PARD3B: variants seen among roughly 807,000 people sequenced by gnomAD.
PARD3B encodes par-3 family cell polarity regulator beta, also known as partitioning defective 3 homolog B.
PARD3B carries 103 observed loss-of-function variants against 130.2 expected under a neutral mutation model. The observed-to-expected ratio is 0.79, with a 90% CI of 0.67 to 0.93. The LOEUF (loss-of-function observed/expected upper bound fraction) is 0.93. Among genes scored for constraint, PARD3B ranks in the 40% least tolerant of loss-of-function variants. The pLI, the probability that PARD3B is intolerant of heterozygous loss-of-function variation, is 0.00. For synonymous variants in PARD3B, 583 were observed against 553.2 expected (o/e 1.05, Z -0.76); for missense variants, 1,609 against 1,499.2 (o/e 1.07, Z -1.21).
chr2:205,203,237 A>G (rs898034319), intron 15 of PARD3B, among the ~76,000 whole-genome samples: 6 of 152,164 alleles, frequency 3.9e-5, no homozygotes, highest in Non-Finnish European at 7.4e-5. Flanking sequence ...CTGTGCTCTG[A>G]TTAGAAATTT....
At chr2:205,185,506 A>G (rs1433404156) in intron 13 of PARD3B, among the ~76,000 whole-genome samples, 3 of 152,204 alleles carry the variant, frequency 2.0e-5, no homozygotes, top group African/African-American at 7.2e-5. Flanking sequence ...GGGAAAAGGT[A>G]GTCAAGATCT....
At chr2:204,972,085 A>ATT (rs2125179305) in intron 3 of PARD3B, among the ~76,000 whole-genome samples, 1 of 152,320 alleles carries the variant, frequency 6.6e-6, no homozygotes, top group East Asian at 1.9e-4. Context: ...TAGTTAAAGA[A>ATT]TAAAGTCAAT....
chr2:205,390,053 CTTA>C (rs2045797230), intron 18 of PARD3B, among the ~76,000 whole-genome samples: 1 of 151,570 alleles, frequency 6.6e-6, no homozygotes, highest in Non-Finnish European at 1.5e-5. Flanking sequence ...CTTAATATAG[CTTA>C]TTAAGAATTA....
In PARD3B at chr2:205,142,065, A is replaced by T. The variant is rs942948633; in HGVS notation, c.1434+16328A>T. Among the ~76,000 whole-genome samples, 8 of 152,168 alleles carry T rather than the reference A, an allele frequency of 5.3e-5. No homozygotes were observed. The highest frequency in any genetic ancestry group is 1.0e-4 in the Non-Finnish European group (7 of 68,042). ...TCTGTTGCCCTTAAAGTCCTTAAAG[A>T]TGTACATAATAATAAATAACCATGA... On this transcript the variant is annotated intron_variant, in intron 10 of 22. Transcript: ENST00000406610. The surrounding 1 kb of genome is among the most constrained non-coding windows in gnomAD (Gnocchi z 4.3).
At chr2:204,970,082 T>C (rs1010516705) in intron 3 of PARD3B, among the ~76,000 whole-genome samples, 1 of 152,128 alleles carries the variant, frequency 6.6e-6, no homozygotes, top group Non-Finnish European at 1.5e-5. Context: ...GACAAATTAG[T>C]GAGGAAAATT....
intron 2 of PARD3B, among the ~76,000 whole-genome samples, chr2:204,752,468 A>G (rs2040502201): frequency 6.6e-6 from 1 of 152,162 alleles, no homozygotes; most frequent in Non-Finnish European, 1.5e-5. Flanking sequence ...AATGAATAAA[A>G]AATGGTATCT....
intron 15 of PARD3B, among the ~76,000 whole-genome samples, chr2:205,209,622 GATATAA>G (rs1246754299): frequency 1.3e-5 from 2 of 151,158 alleles, no homozygotes; most frequent in African/African-American, 4.8e-5. Context: ...AAAAATATAT[GATATAA>G]ATATAGGTTA....
chr2:204,866,265 T>C (rs1228297179), intron 2 of PARD3B, among the ~76,000 whole-genome samples: 1 of 152,234 alleles, frequency 6.6e-6, no homozygotes, highest in Admixed American at 6.5e-5. Context: ...CCACCATTTA[T>C]TATCAATAAC....
intron 21 of PARD3B, among the ~76,000 whole-genome samples, chr2:205,527,026 G>C (rs1248879913): frequency 1.3e-5 from 2 of 152,178 alleles, no homozygotes; most frequent in East Asian, 1.9e-4. Flanking sequence ...AGTCAAATGA[G>C]AGGTTTGCAG....
At chr2:205,560,629 T>C (rs2053096785) in intron 22 of PARD3B, among the ~76,000 whole-genome samples, 1 of 152,166 alleles carries the variant, frequency 6.6e-6, no homozygotes, top group African/African-American at 2.4e-5. Context: ...AGAGAAAGAC[T>C]CCCTTTCCTG....
intron 2 of PARD3B, among the ~76,000 whole-genome samples, chr2:204,782,455 A>ATATGTAATATACACATTACATATAT (rs2041870762): frequency 1.3e-5 from 2 of 151,188 alleles, no homozygotes; most frequent in African/African-American, 4.8e-5. Context: ...TAAGTATTAT[A>ATATGTAATATACACATTACATATAT]TATGTAATAT....
chr2:204,715,894 G>A (rs2038697509), intron 2 of PARD3B, among the ~76,000 whole-genome samples: 1 of 151,910 alleles, frequency 6.6e-6, no homozygotes, highest in Non-Finnish European at 1.5e-5. Context: ...TTATCTCTCT[G>A]CTCCGTGAAA....
In PARD3B at chr2:204,553,693, T is replaced by C. The variant is rs867045627; in HGVS notation, c.120+7574T>C. Reference sequence around the variant, plus strand: ...ATATATATATATATATATATATATATATACACACATATATATAAAGGAATA... The same window carrying C: ...ATATATATATATATATATATATATACATACACACATATATATAAAGGAATA... On this transcript the variant is annotated intron_variant, in intron 1 of 22. Coordinates refer to ENST00000406610, the MANE Select transcript of PARD3B (RefSeq NM_001302769.2). Among the ~76,000 whole-genome samples the C allele has an allele frequency of 6.6e-3, 659 of 100,200 alleles. 13 individuals are homozygous for C. The highest frequency in any genetic ancestry group is 0.031 in the African/African-American group (564 of 18,412). 65.7% of individuals were successfully genotyped at this position (100,200 alleles called of 152,430 possible).
At chr2:205,109,199 A>G (rs752794012) in intron 5 of PARD3B, among the ~76,000 whole-genome samples, 1 of 152,204 alleles carries the variant, frequency 6.6e-6, no homozygotes, top group Non-Finnish European at 1.5e-5. Flanking sequence ...GTACATTTGC[A>G]TCCTCAAGAT....
chr2:205,148,338 A>G (rs996864286), intron 10 of PARD3B, among the ~76,000 whole-genome samples: 1 of 152,144 alleles, frequency 6.6e-6, no homozygotes, highest in African/African-American at 2.4e-5. Flanking sequence ...GTGCCTGCTC[A>G]TCTCTCATCT....
chr2:205,303,265 T>C (rs552584080), intron 18 of PARD3B, among the ~76,000 whole-genome samples: 1 of 152,278 alleles, frequency 6.6e-6, no homozygotes, highest in Admixed American at 6.5e-5. Flanking sequence ...CAAGATTCAA[T>C]AGGATAGGAT....
rs370215881 is a variant in PARD3B, at chr2:205,534,416, G to A, written c.3181-18908G>A. Among the ~76,000 whole-genome samples the A allele has an allele frequency of 4.4e-4, 67 of 152,220 alleles. 1 individual carries two copies. The highest frequency in any genetic ancestry group is 3.4e-3 in the Middle Eastern group (1 of 292). Reference sequence around the variant, plus strand: ...AGAGTGAGTGAGAAGGAGAATGGACGGAGGCCAGAGAGGTGGGAGGATCAG... The same window carrying A: ...AGAGTGAGTGAGAAGGAGAATGGACAGAGGCCAGAGAGGTGGGAGGATCAG... On this transcript the variant is annotated intron_variant, in intron 21 of 22. Coordinates refer to ENST00000406610, the MANE Select transcript of PARD3B (RefSeq NM_001302769.2).
Position 205,275,818 on chromosome 2 carries a change from C to T in PARD3B, c.2186-24712C>T, listed in dbSNP as rs1422453974. On this transcript the variant is annotated intron_variant, in intron 16 of 22. Coordinates refer to ENST00000406610, the MANE Select transcript of PARD3B (RefSeq NM_001302769.2). ...CACCATTGCACCCCAGCCTGAGCAA[C>T]AAGAGTGAAACTTTGTCTCAAAAAA... 5.7e-5 allele frequency among the ~76,000 whole-genome samples: 4 copies of T among 69,698 alleles called. No individual in the cohort carries two copies. The South Asian group carries it at 1.5e-3, about 26-fold the overall frequency. 45.7% of individuals were successfully genotyped at this position (69,698 alleles called of 152,430 possible).
At chr2:205,549,936 G>A (rs942967385) in intron 21 of PARD3B, among the ~76,000 whole-genome samples, 1 of 152,110 alleles carries the variant, frequency 6.6e-6, no homozygotes, top group Non-Finnish European at 1.5e-5. Flanking sequence ...ACCTAAAACT[G>A]CTCTAAAAAC....
Sources: gnomAD v4.1 joint callset for allele counts (sites outside exome capture counted in the v4.1 genomes callset) on GRCh38, gnomAD v4.1.1 for gene constraint, Gnocchi (gnomAD v3.1) non-coding constraint, MANE v1.5 for transcripts, NCBI Gene and HGNC (gene_info 2026-07-23, HGNC 2026-07-21) for gene names.